The following KLRF1 variants were observed in gnomAD, a reference collection of about 807,000 sequenced individuals.
KLRF1 encodes killer cell lectin-like receptor subfamily F member 1.
KLRF1 carries 27 observed loss-of-function variants against 30.7 expected under a neutral mutation model. That is an observed-to-expected ratio of 0.88 (90% CI 0.65 to 1.21). KLRF1 has a LOEUF of 1.21. Ranked by LOEUF, KLRF1 falls within the 50% of genes most tolerant of loss-of-function variation. The probability of loss-of-function intolerance (pLI) is 0.00; values close to 1 mark genes in which losing one functional copy is unlikely to be tolerated. For synonymous variants in KLRF1, 92 were observed against 89.3 expected (o/e 1.03, Z -0.17); for missense variants, 246 against 259.3 (o/e 0.95, Z 0.35).
the KLRF1 span, among the ~76,000 whole-genome samples, chr12:9,800,840 A>G: frequency 1.3e-5 from 2 of 151,758 alleles, no homozygotes; most frequent in South Asian, 4.2e-4. Context: ...AAAAAATTTT[A>G]TTCATTTATT....
chr12:9,801,656 T>C, the KLRF1 span, among the ~76,000 whole-genome samples: 4 of 152,188 alleles, frequency 2.6e-5, no homozygotes, highest in Non-Finnish European at 5.9e-5. Context: ...TTTTGAGAAG[T>C]GTCTGTTCAT....
At chr12:9,814,337 C>T in the KLRF1 span, among the ~76,000 whole-genome samples, 3 of 152,246 alleles carry the variant, frequency 2.0e-5, no homozygotes, top group African/African-American at 7.2e-5. Flanking sequence ...GCCATCTCCA[C>T]AGCCGGGACT....
At chr12:9,835,342 C>T (rs1046562920) in intron 3 of KLRF1, among the ~76,000 whole-genome samples, 1 of 151,964 alleles carries the variant, frequency 6.6e-6, no homozygotes, top group Non-Finnish European at 1.5e-5. Context: ...TCCTGGGGAT[C>T]CAGCTAGGGC....
At chr12:9,833,263 G>A in intron 2 of KLRF1, 40 bp from the exon 3 acceptor site, 4 of 1,408,264 alleles carry the variant, frequency 2.8e-6, no homozygotes, top group Non-Finnish European at 3.8e-6. Flanking sequence ...ATTCCATAGA[G>A]AAGATATTTA....
At chr12:9,835,322 G>T (rs1366574088) in intron 3 of KLRF1, among the ~76,000 whole-genome samples, 1 of 152,066 alleles carries the variant, frequency 6.6e-6, no homozygotes, top group East Asian at 1.9e-4. Flanking sequence ...GGGGTGTCTT[G>T]TACCCAGACT....
chr12:9,800,748 C>T, the KLRF1 span, among the ~76,000 whole-genome samples: 5 of 151,706 alleles, frequency 3.3e-5, no homozygotes, highest in South Asian at 2.1e-4. Context: ...AGTTATTTAT[C>T]TATTTTGGAT....
At chr12:9,806,435 C>A in the KLRF1 span, among the ~76,000 whole-genome samples, 1 of 151,970 alleles carries the variant, frequency 6.6e-6, no homozygotes, top group Non-Finnish European at 1.5e-5. Context: ...TTGAGGCTAG[C>A]CCAGGTCGCT....
intron 1 of KLRF1, among the ~76,000 whole-genome samples, chr12:9,829,141 T>C (rs780432509): frequency 1.3e-5 from 2 of 152,320 alleles, no homozygotes; most frequent in African/African-American, 4.8e-5. Context: ...TTGCCAGTGA[T>C]AGTAAGAAAT....
At chr12:9,830,531 G>C (rs1867392827) in intron 1 of KLRF1, among the ~76,000 whole-genome samples, 1 of 151,898 alleles carries the variant, frequency 6.6e-6, no homozygotes. Context: ...TAAGATGTTA[G>C]CTTCATTAGA....
chr12:9,839,998 T>A (rs1487864800), intron 3 of KLRF1, among the ~76,000 whole-genome samples: 1 of 152,146 alleles, frequency 6.6e-6, no homozygotes, highest in Non-Finnish European at 1.5e-5. Context: ...ATACATGTTA[T>A]GAAATATTCT....
At chr12:9,826,428 G>T (rs1867284544), upstream of KLRF1, among the ~76,000 whole-genome samples, 2 of 152,182 alleles carry the variant, frequency 1.3e-5, no homozygotes, top group South Asian at 4.1e-4. Flanking sequence ...ATACACCTTT[G>T]ATGGGAGTGT....
the KLRF1 span, among the ~76,000 whole-genome samples, chr12:9,809,802 T>G: frequency 6.6e-6 from 1 of 151,882 alleles, no homozygotes; most frequent in Non-Finnish European, 1.5e-5. Context: ...AAGTTGTTAT[T>G]CTATTGATAA....
At chr12:9,803,877 C>T in the KLRF1 span, among the ~76,000 whole-genome samples, 1 of 152,010 alleles carries the variant, frequency 6.6e-6, no homozygotes, top group Non-Finnish European at 1.5e-5. Context: ...TAATGTCAGT[C>T]CAAATTTGTT....
rs111980779 is a variant in KLRF1, at chr12:9,841,260, A to C, written c.335-552A>C. On this transcript the variant is annotated intron_variant, in intron 3 of 5. Transcript: ENST00000617889. ...CTCACTTACAAGTGGGAGCTAAATGATGAGAACACATGGACACATAGAGGG... is the reference window on the plus strand; with the variant it reads ...CTCACTTACAAGTGGGAGCTAAATGCTGAGAACACATGGACACATAGAGGG... Among the ~76,000 whole-genome samples, 244 of 152,186 alleles carry C rather than the reference A, an allele frequency of 1.6e-3. 2 individuals carry two copies. The highest frequency in any genetic ancestry group is 5.7e-3 in the African/African-American group (235 of 41,528).
the KLRF1 span, among the ~76,000 whole-genome samples, chr12:9,811,319 CAAAAAA>C: frequency 8.0e-5 from 5 of 62,184 alleles, no homozygotes; most frequent in African/African-American, 3.0e-4. Flanking sequence ...AGAAGTAGTC[CAAAAAA>C]AAAAAAAAAA....
the KLRF1 span, among the ~76,000 whole-genome samples, chr12:9,814,301 G>T: frequency 6.6e-6 from 1 of 152,166 alleles, no homozygotes; most frequent in African/African-American, 2.4e-5. Flanking sequence ...AAGCAGCTGC[G>T]CACCGACAGG....
chr12:9,842,250 A>G, intron 4 of KLRF1, 71 bp from the exon 5 acceptor site: 1 of 1,557,018 alleles, frequency 6.4e-7, no homozygotes, highest in African/African-American at 1.4e-5. Flanking sequence ...TTTTGCAATA[A>G]CATTTAAAAT....
intron 2 of KLRF1, among the ~76,000 whole-genome samples, chr12:9,833,014 G>A (rs1591755504): frequency 6.6e-6 from 1 of 152,044 alleles, no homozygotes; most frequent in Non-Finnish European, 1.5e-5. Context: ...GATGAAAAGA[G>A]CCTATATACT....
chr12:9,840,961 A>C (rs1591761796), intron 3 of KLRF1, among the ~76,000 whole-genome samples: 1 of 152,184 alleles, frequency 6.6e-6, no homozygotes, highest in Non-Finnish European at 1.5e-5. Context: ...ATATACCCAA[A>C]GGAACGTAAA....
Sources: allele counts gnomAD v4.1 joint callset (sites outside exome capture counted in the v4.1 genomes callset), GRCh38; gene constraint gnomAD v4.1.1; transcripts MANE v1.5; gene names NCBI Gene and HGNC (gene_info 2026-07-23, HGNC 2026-07-21).